The following SRGAP2 variants were observed in gnomAD, a reference collection of about 807,000 sequenced individuals.
SRGAP2 encodes the protein SLIT-ROBO Rho GTPase-activating protein 2.
SRGAP2 carries 15 observed loss-of-function variants against 57.2 expected under a neutral mutation model. That is an observed-to-expected ratio of 0.26 (90% confidence interval 0.18 to 0.40). SRGAP2 has a LOEUF of 0.40. Ranked by LOEUF, SRGAP2 falls within the 10% of genes least tolerant of loss-of-function variation. SRGAP2 has a pLI of 1.00. For missense variants in SRGAP2, 520 were observed against 669.6 expected, an observed-to-expected ratio of 0.78 and a Z score of 2.47; for synonymous variants, 249 against 248.0, an observed-to-expected ratio of 1.00 and a Z score of -0.04.
intron 2 of SRGAP2, among the ~76,000 whole-genome samples, chr1:206,230,546 C>T (rs1235366085): frequency 6.6e-6 from 1 of 151,226 alleles, no homozygotes; most frequent in Non-Finnish European, 1.5e-5. Flanking sequence ...ATTATGTATG[C>T]CTACTATGTA....
intron 3 of SRGAP2, among the ~76,000 whole-genome samples, chr1:206,303,884 TCTCTCACA>T (rs1243312466): frequency 0.029 from 4,149 of 142,402 alleles, 83 homozygotes; most frequent in African/African-American, 0.1. Context: ...TCTCTCTCTC[TCTCTCACA>T]CACACACACA....
intron 8 of SRGAP2, among the ~76,000 whole-genome samples, chr1:206,401,889 C>T (rs1304070929): frequency 6.6e-6 from 1 of 152,114 alleles, no homozygotes; most frequent in East Asian, 1.9e-4. Flanking sequence ...GGAATAAGGT[C>T]GCTAAGGCTT....
chr1:206,272,357 CT>C (rs1670172321), intron 2 of SRGAP2, among the ~76,000 whole-genome samples: 1 of 146,788 alleles, frequency 6.8e-6, no homozygotes, highest in Non-Finnish European at 1.5e-5. Context: ...ATTTTGAGTA[CT>C]TTCTTGTGCA....
intron 4 of SRGAP2, among the ~76,000 whole-genome samples, chr1:206,373,001 C>A (rs1488686950): frequency 5.0e-5 from 5 of 100,588 alleles, no homozygotes; most frequent in African/African-American, 2.0e-4. Flanking sequence ...TTCTTTCTTT[C>A]TTTCTTTCTT....
chr1:206,454,215 G>A lies in SRGAP2; in HGVS notation c.2361-663G>A. The A allele has an allele frequency of 1.4e-6, 1 of 702,304 alleles. No individual in the cohort carries two copies. The allele number at this position is 702,304 out of a possible 1,614,324, so 43.5% of individuals were successfully genotyped here. ...CGTTCTGCAGGGAAATCCTCCCTCT[G>A]TTGATAGCATCGCAAACCTGGTGGC... On this transcript the variant is annotated intron_variant, in intron 20 of 22. Transcript: ENST00000573034. This position sits in a 1 kb window ranked among gnomAD's most constrained non-coding sequence, Gnocchi z 4.3.
chr1:206,431,851 G>A (rs1553368409), intron 14 of SRGAP2, among the ~76,000 whole-genome samples: 2 of 152,236 alleles, frequency 1.3e-5, no homozygotes, highest in African/African-American at 4.8e-5. Context: ...GAGGGAGTAA[G>A]CCTTGTGGAT....
At chr1:206,360,038 C>T (rs1431201056) in intron 4 of SRGAP2, among the ~76,000 whole-genome samples, 1 of 151,650 alleles carries the variant, frequency 6.6e-6, no homozygotes, top group Non-Finnish European at 1.5e-5. Flanking sequence ...GATCTCCTGA[C>T]CTCGTGATCC....
chr1:206,342,155 G>C (rs1350212051), intron 3 of SRGAP2, among the ~76,000 whole-genome samples: 2 of 151,944 alleles, frequency 1.3e-5, no homozygotes, highest in East Asian at 3.9e-4. Context: ...CCTTAGATGT[G>C]TTCTGTGGAA....
chr1:206,359,837 C>G (rs868913291), intron 4 of SRGAP2, among the ~76,000 whole-genome samples: 1 of 100,418 alleles, frequency 1.0e-5, no homozygotes, highest in African/African-American at 4.6e-5. Flanking sequence ...GACGGAGTCT[C>G]GCTCTGTCGC....
At position 206,439,167 on chromosome 1, in the gene SRGAP2, CT is replaced by C. The variant is rs547789578; in HGVS notation, c.1769-807del. ...ATACACTCTTCTTCCTAATCCAGTACTTCCCATCTCTTTTTCATATAAAGGC... is the reference window on the plus strand; with the variant it reads ...ATACACTCTTCTTCCTAATCCAGTACTCCCATCTCTTTTTCATATAAAGGC... On this transcript the variant is annotated intron_variant, in intron 16 of 22. Transcript: ENST00000573034. Among the ~76,000 whole-genome samples, 489 of 152,268 alleles carry C rather than the reference CT, an allele frequency of 3.2e-3. 3 individuals are homozygous for C. The highest frequency in any genetic ancestry group is 3.4e-3 in the Middle Eastern group (1 of 294).
chr1:206,292,961 CCT>C (rs1671410681), intron 2 of SRGAP2, among the ~76,000 whole-genome samples: 1 of 151,676 alleles, frequency 6.6e-6, no homozygotes, highest in East Asian at 1.9e-4. Context: ...GTGCTTGGTC[CCT>C]GCTTGTTGAA....
chr1:206,455,439 C>T (rs528002731), intron 21 of SRGAP2: 149 of 220,334 alleles, frequency 6.8e-4, no homozygotes, highest in African/African-American at 3.3e-3. Flanking sequence ...TTCCTTGACC[C>T]GTGTTCGTGC....
At chr1:206,214,484 C>T (rs1290917249) in intron 2 of SRGAP2, 1 of 149,330 alleles carries the variant, frequency 6.7e-6, no homozygotes, top group Non-Finnish European at 1.5e-5. Flanking sequence ...CTAAGTTCTA[C>T]GTGTTGCTCA....
At chr1:206,369,163 A>G (rs1406504590) in intron 4 of SRGAP2, among the ~76,000 whole-genome samples, 4 of 152,228 alleles carry the variant, frequency 2.6e-5, no homozygotes, top group African/African-American at 9.6e-5. Context: ...TAATGGTGTT[A>G]ACAGATGCAA....
chr1:206,449,214 G>A (rs939365718), intron 18 of SRGAP2, among the ~76,000 whole-genome samples: 3 of 151,894 alleles, frequency 2.0e-5, no homozygotes, highest in Non-Finnish European at 2.9e-5. Context: ...AAGTCCATGA[G>A]CCAGGAGATC....
chr1:206,275,671 G>A (rs1465035558), intron 2 of SRGAP2, among the ~76,000 whole-genome samples: 11 of 147,420 alleles, frequency 7.5e-5, no homozygotes, highest in Non-Finnish European at 1.2e-4. Context: ...CTGGAGTGCA[G>A]TGGCGCGATC....
At chr1:206,341,573 CT>C (rs1464536528) in intron 3 of SRGAP2, among the ~76,000 whole-genome samples, 1 of 151,678 alleles carries the variant, frequency 6.6e-6, no homozygotes, top group African/African-American at 2.4e-5. Context: ...ATAAATAGTA[CT>C]GCAAATTATT....
intron 13 of SRGAP2, among the ~76,000 whole-genome samples, chr1:206,423,558 C>T (rs1448546076): frequency 6.6e-6 from 1 of 152,180 alleles, no homozygotes; most frequent in African/African-American, 2.4e-5. Flanking sequence ...GGGGGGACTC[C>T]ATTCTTCACA....
intron 2 of SRGAP2, among the ~76,000 whole-genome samples, chr1:206,265,621 T>C (rs1170037450): frequency 2.6e-5 from 3 of 116,460 alleles, no homozygotes; most frequent in Admixed American, 9.0e-5. Flanking sequence ...TCACCAAGAA[T>C]AGTGTATTGG....
Sources: gnomAD v4.1 joint callset for allele counts (sites outside exome capture counted in the v4.1 genomes callset) on GRCh38, gnomAD v4.1.1 for gene constraint, Gnocchi (gnomAD v3.1) non-coding constraint, MANE v1.5 for transcripts, NCBI Gene and HGNC (gene_info 2026-07-23, HGNC 2026-07-21) for gene names.